SNTN: variants seen among roughly 807,000 people sequenced by gnomAD.
The protein encoded by SNTN is sentan, cilia apical structure protein.
SNTN carries 13 observed loss-of-function variants against 12.3 expected under a neutral mutation model. That is an observed-to-expected ratio of 1.05 (90% CI 0.69 to 1.67). The LOEUF is 1.67. Among genes scored for constraint, SNTN ranks in the 40% most tolerant of loss-of-function variants. The pLI, the probability that SNTN is intolerant of heterozygous loss-of-function variation, is 0.00. For synonymous variants in SNTN, 69 were observed against 58.5 expected (o/e 1.18, Z -0.82); for missense variants, 189 against 169.8 (o/e 1.11, Z -0.63).
chr3:63,663,023 C>A (rs1365662213), intron 3 of SNTN, among the ~76,000 whole-genome samples: 1 of 152,084 alleles, frequency 6.6e-6, no homozygotes, highest in Non-Finnish European at 1.5e-5. Context: ...TCTTTCAAAG[C>A]ATGTATTTTC....
intron 1 of SNTN, among the ~76,000 whole-genome samples, chr3:63,653,998 A>T (rs1455125470): frequency 6.6e-6 from 1 of 152,194 alleles, no homozygotes; most frequent in Non-Finnish European, 1.5e-5. Flanking sequence ...CTCTGCATGG[A>T]ACACGCTTCC....
Position 63,664,264 on chromosome 3 carries a change from C to T in SNTN, c.*169C>T, listed in dbSNP as rs1700777557. 1.7e-6 allele frequency: 1 copy of T among 604,238 alleles called. No individual in the cohort carries two copies. 37.4% of individuals were successfully genotyped at this position (604,238 alleles called of 1,614,324 possible). The stretch of plus-strand genomic sequence containing the variant: ...GTAACTCCAAATATTTACCCATACA[C>T]TTCAAGAATGTTTGAATGATAAGGT... On this transcript the variant is annotated 3_prime_UTR_variant, in exon 4 of 4. Transcript: ENST00000343837.
chr3:63,658,681 G>C (rs1700709477), intron 2 of SNTN, among the ~76,000 whole-genome samples: 1 of 151,900 alleles, frequency 6.6e-6, no homozygotes, highest in Non-Finnish European at 1.5e-5. Context: ...GGGATTACAG[G>C]CATGAGATCC....
At chr3:63,652,839 C>T in intron 1 of SNTN, 42 bp downstream of exon 1, 2 of 1,567,390 alleles carry the variant, frequency 1.3e-6, no homozygotes, top group Non-Finnish European at 1.8e-6. Context: ...TTCATTTAAG[C>T]TTGCAGATAT....
chr3:63,663,725 A>G lies in SNTN; in HGVS notation c.286-212A>G, dbSNP rs1490589470. ...CCCTTCACCTTCTACCATGAGTGGA[A>G]GCAGCCTGAGGTCCTCACCACATGC... is the stretch of plus-strand genomic sequence containing the variant. On this transcript the variant is annotated intron_variant, in intron 3 of 3. Coordinates refer to ENST00000343837, the MANE Select transcript of SNTN (RefSeq NM_001080537.2). 4.4e-6 allele frequency: 3 copies of G among 677,114 alleles called. No individual in the cohort carries two copies. In the Admixed American group the frequency reaches 6.2e-5, roughly 14 times the overall value. 41.9% of individuals were successfully genotyped at this position (677,114 alleles called of 1,614,324 possible).
chr3:63,653,455 A>G (rs1233934220), intron 1 of SNTN, among the ~76,000 whole-genome samples: 2 of 152,184 alleles, frequency 1.3e-5, no homozygotes, highest in African/African-American at 4.8e-5. Context: ...CACCAAGAAG[A>G]CCACGAAGGG....
chr3:63,657,454 T>C (rs1223685958), intron 2 of SNTN, among the ~76,000 whole-genome samples: 1 of 152,194 alleles, frequency 6.6e-6, no homozygotes, highest in Non-Finnish European at 1.5e-5. Flanking sequence ...GCTGGGTTTA[T>C]TAAGGGAAGA....
chr3:63,659,665 G>T, intron 2 of SNTN, 60 bp from the exon 3 acceptor site: 1 of 1,598,596 alleles, frequency 6.3e-7, no homozygotes, highest in Non-Finnish European at 8.5e-7. Context: ...CACAACAGCA[G>T]GTCTGGGGAA....
rs566156891 is a variant in SNTN, at chr3:63,661,120, G to A, written c.285+1256G>A. Among the ~76,000 whole-genome samples the A allele has an allele frequency of 9.2e-5, 14 of 152,134 alleles. 1 individual carries two copies. In the East Asian group the frequency reaches 1.2e-3, roughly 13 times the overall value. ...AAAAAATAATAGTGAAAAAATAGAC[G>A]ACTATCAATTCTTATTTAGTGTTTA... On this transcript the variant is annotated intron_variant, in intron 3 of 3. Coordinates refer to ENST00000343837, the MANE Select transcript of SNTN (RefSeq NM_001080537.2).
chr3:63,656,350 C>G (rs569237075), intron 2 of SNTN, among the ~76,000 whole-genome samples: 66 of 152,190 alleles, frequency 4.3e-4, no homozygotes, highest in African/African-American at 1.5e-3. Context: ...AAACAAGAGG[C>G]AATAACTGTC....
chr3:63,656,128 G>T (rs1448763980), intron 2 of SNTN, among the ~76,000 whole-genome samples: 1 of 152,176 alleles, frequency 6.6e-6, no homozygotes, highest in Non-Finnish European at 1.5e-5. Context: ...AAAATGAGGA[G>T]ATTCTTTCAT....
chr3:63,660,243 C>T (rs1237229502), intron 3 of SNTN, among the ~76,000 whole-genome samples: 1 of 151,978 alleles, frequency 6.6e-6, no homozygotes, highest in African/African-American at 2.4e-5. Context: ...AGAATGATGG[C>T]GTTCCAAGCA....
rs13063421 is a variant in SNTN, at chr3:63,664,809, A to G, written c.*714A>G. On this transcript the variant is annotated 3_prime_UTR_variant, in exon 4 of 4. Transcript: ENST00000343837. ...CTCTTGTTGCCCAGGCTGGAGTGCA[A>G]TGGCACGATCTCAGCTTACTGCAAC... 0.12 allele frequency: 18,021 copies of G among 151,832 alleles called. 1,248 individuals carry two copies. Among genetic ancestry groups the G allele is most frequent in the African/African-American group, 0.19 (7,831 of 41,396 alleles). The allele number at this position is 151,832 out of a possible 1,614,324, so 9.4% of individuals were successfully genotyped here.
At chr3:63,653,517 G>C (rs1377502092) in intron 1 of SNTN, among the ~76,000 whole-genome samples, 1 of 151,998 alleles carries the variant, frequency 6.6e-6, no homozygotes, top group Non-Finnish European at 1.5e-5. Flanking sequence ...AAAAAAATGA[G>C]GAACCCCTAA....
At chr3:63,661,868 A>T (rs546725699) in intron 3 of SNTN, among the ~76,000 whole-genome samples, 2 of 152,294 alleles carry the variant, frequency 1.3e-5, no homozygotes, top group South Asian at 4.2e-4. Context: ...CAAGCTTTTA[A>T]CACATATGAA....
At chr3:63,661,282 T>C (rs796235950) in intron 3 of SNTN, among the ~76,000 whole-genome samples, 20 of 152,314 alleles carry the variant, frequency 1.3e-4, no homozygotes, top group African/African-American at 4.3e-4. Flanking sequence ...TCAATATTTA[T>C]TGATGGGTAG....
rs1343072803 is a variant in SNTN at position 63,664,697 on chromosome 3, A to C, written c.*602A>C. Reference sequence around the variant, plus strand: ...ATGGATGCCAGGGATATGGGTGGGAAATGGGGCTGTCCACAAATGGCACAA... The same window carrying C: ...ATGGATGCCAGGGATATGGGTGGGACATGGGGCTGTCCACAAATGGCACAA... On this transcript the variant is annotated 3_prime_UTR_variant, in exon 4 of 4. Transcript: ENST00000343837. 6.6e-6 allele frequency: 1 copy of C among 150,942 alleles called. No individual in the cohort carries two copies. The highest frequency in any genetic ancestry group is 1.9e-4 in the East Asian group (1 of 5,164). The allele number at this position is 150,942 out of a possible 1,614,324, so 9.4% of individuals were successfully genotyped here.
chr3:63,659,064 A>G (rs1055997458), intron 2 of SNTN, among the ~76,000 whole-genome samples: 1 of 152,176 alleles, frequency 6.6e-6, no homozygotes, highest in African/African-American at 2.4e-5. Flanking sequence ...ATTGGTGACT[A>G]AAAGAACACA....
intron 2 of SNTN, among the ~76,000 whole-genome samples, chr3:63,656,784 C>G (rs1700683941): frequency 6.6e-6 from 1 of 152,180 alleles, no homozygotes; most frequent in Non-Finnish European, 1.5e-5. Context: ...CATGTAGCCC[C>G]ACCTGGGAGT....
Sources: allele counts gnomAD v4.1 joint callset (sites outside exome capture counted in the v4.1 genomes callset), GRCh38; gene constraint gnomAD v4.1.1; transcripts MANE v1.5; gene names NCBI Gene and HGNC (gene_info 2026-07-23, HGNC 2026-07-21).